GNAQ: variants seen among roughly 807,000 people sequenced by gnomAD.
GNAQ encodes the protein guanine nucleotide-binding protein G(q) subunit alpha.
A neutral mutation model predicts 43.9 loss-of-function variants in GNAQ; 8 were observed. The observed-to-expected ratio is 0.18, with a 90% CI of 0.11 to 0.33. The LOEUF (loss-of-function observed/expected upper bound fraction) is 0.33, where lower values mean the gene tolerates loss of function less well. Ranked by LOEUF, GNAQ falls within the 10% of genes least tolerant of loss-of-function variation. GNAQ has a pLI of 1.00. For missense variants in GNAQ, 158 were observed against 450.8 expected, an observed-to-expected ratio of 0.35 and a Z score of 5.88; for synonymous variants, 155 against 170.7, an observed-to-expected ratio of 0.91 and a Z score of 0.71.
chr9:77,716,245 TCAA>T lies in GNAQ; in HGVS notation c.*5075_*5077del. 1 of 224,284 alleles carries T rather than the reference TCAA, an allele frequency of 4.5e-6. No homozygotes were observed. The highest frequency in any genetic ancestry group is 8.9e-6 in the Non-Finnish European group (1 of 112,464). The allele number at this position is 224,284 out of a possible 1,614,324, so 13.9% of individuals were successfully genotyped here. On this transcript the variant is annotated 3_prime_UTR_variant, in exon 7 of 7. Coordinates refer to ENST00000286548, the MANE Select transcript of GNAQ (RefSeq NM_002072.5). ...CGGGCAACTTTAATGGAAGCAAAAC[TCAA>T]CAATGAAGAATACTATAGTACAAAA...
intron 5 of GNAQ, among the ~76,000 whole-genome samples, chr9:77,742,856 T>C (rs1307704524): frequency 1.3e-5 from 2 of 152,176 alleles, no homozygotes; most frequent in African/African-American, 4.8e-5. Flanking sequence ...GATGAATACA[T>C]GGACAAATGC....
chr9:77,735,780 C>T (rs1825569542), intron 5 of GNAQ, among the ~76,000 whole-genome samples: 1 of 152,174 alleles, frequency 6.6e-6, no homozygotes. Flanking sequence ...GCTGACATGG[C>T]AATGTGGCCC....
At chr9:77,765,721 T>C (rs959620930) in intron 5 of GNAQ, among the ~76,000 whole-genome samples, 64 of 152,170 alleles carry the variant, frequency 4.2e-4, no homozygotes, top group African/African-American at 1.4e-3. Context: ...AAGTAAAAAA[T>C]ACAATCACCA....
At chr9:77,795,361 T>C (rs1826640641) in intron 4 of GNAQ, among the ~76,000 whole-genome samples, 1 of 152,190 alleles carries the variant, frequency 6.6e-6, no homozygotes, top group Admixed American at 6.5e-5. Flanking sequence ...AATGTATGTC[T>C]GAAAATATCT....
chr9:78,016,472 C>T (rs1267046050), intron 1 of GNAQ, among the ~76,000 whole-genome samples: 3 of 152,002 alleles, frequency 2.0e-5, no homozygotes, highest in Non-Finnish European at 1.5e-5. Context: ...GATCACGAGG[C>T]CAGGAGATCG....
At chr9:77,769,796 C>T (rs1197667410) in intron 5 of GNAQ, among the ~76,000 whole-genome samples, 1 of 151,602 alleles carries the variant, frequency 6.6e-6, no homozygotes, top group African/African-American at 2.4e-5. Flanking sequence ...TCCCAAGTAG[C>T]TGCGACTACA....
chr9:77,758,452 C>T (rs1407468556), intron 5 of GNAQ, among the ~76,000 whole-genome samples: 1 of 152,162 alleles, frequency 6.6e-6, no homozygotes, highest in African/African-American at 2.4e-5. Context: ...ATATAGATGA[C>T]ATACTTGTGT....
chr9:77,895,830 T>C (rs1325073747), intron 2 of GNAQ, among the ~76,000 whole-genome samples: 2 of 152,146 alleles, frequency 1.3e-5, no homozygotes, highest in Non-Finnish European at 2.9e-5. Context: ...GATCTGACCA[T>C]TTTAAAAAAC....
At chr9:78,009,843 G>A (rs1316696888) in intron 1 of GNAQ, among the ~76,000 whole-genome samples, 3 of 152,006 alleles carry the variant, frequency 2.0e-5, no homozygotes, top group East Asian at 3.9e-4. Context: ...GCAAATACAT[G>A]ATAAAGGGAA....
At chr9:77,858,717 C>T (rs140747353) in intron 2 of GNAQ, among the ~76,000 whole-genome samples, 24 of 152,010 alleles carry the variant, frequency 1.6e-4, no homozygotes, top group South Asian at 4.2e-4. Flanking sequence ...ACTGATCCCA[C>T]GTGCAATCAT....
At chr9:77,929,942 ATGAT>A (rs1165518470) in intron 1 of GNAQ, among the ~76,000 whole-genome samples, 3 of 152,202 alleles carry the variant, frequency 2.0e-5, no homozygotes, top group Non-Finnish European at 4.4e-5. Flanking sequence ...ATGGTTAATA[ATGAT>A]TATCTGAAAA....
chr9:77,719,284 ACATT>A lies in GNAQ; in HGVS notation c.*2035_*2038del, dbSNP rs1486839961. On this transcript the variant is annotated 3_prime_UTR_variant, in exon 7 of 7. Transcript: ENST00000286548. ...TTACATAGATACATATCAATACAGCACATTCAATCTGCCAAAAAATTAATGATTA... is the reference window on the plus strand; with the variant it reads ...TTACATAGATACATATCAATACAGCACAATCTGCCAAAAAATTAATGATTA... 4 of 232,608 alleles carry A rather than the reference ACATT, an allele frequency of 1.7e-5. No individual in the cohort carries two copies. Among genetic ancestry groups the A allele is most frequent in the African/African-American group, 4.4e-5 (2 of 45,308 alleles). The allele number at this position is 232,608 out of a possible 1,614,324, so 14.4% of individuals were successfully genotyped here.
At chr9:77,872,438 C>A (rs1430052537) in intron 2 of GNAQ, among the ~76,000 whole-genome samples, 2 of 152,140 alleles carry the variant, frequency 1.3e-5, no homozygotes, top group African/African-American at 4.8e-5. Context: ...TCAGAGGGAA[C>A]ACAATGTGTA....
intron 6 of GNAQ, among the ~76,000 whole-genome samples, chr9:77,725,038 T>A (rs977013275): frequency 6.6e-6 from 1 of 152,228 alleles, no homozygotes; most frequent in South Asian, 2.1e-4. Flanking sequence ...TGAACTTCTG[T>A]ATGATTTTGT....
At chr9:77,849,535 T>G (rs1827640394) in intron 2 of GNAQ, among the ~76,000 whole-genome samples, 1 of 152,016 alleles carries the variant, frequency 6.6e-6, no homozygotes, top group Non-Finnish European at 1.5e-5. Flanking sequence ...TGAAGGAAAA[T>G]GGTCATCTGG....
intron 5 of GNAQ, among the ~76,000 whole-genome samples, chr9:77,743,191 G>C (rs138927994): frequency 0.012 from 1,875 of 152,298 alleles, 40 homozygotes; most frequent in African/African-American, 0.042. Context: ...CCGGGAGGCG[G>C]AGGTTGCAGT....
intron 1 of GNAQ, among the ~76,000 whole-genome samples, chr9:77,987,127 G>A (rs975043090): frequency 1.3e-5 from 2 of 152,060 alleles, no homozygotes; most frequent in African/African-American, 4.8e-5. Flanking sequence ...TTCTTTGCCT[G>A]TCGTCATGTT....
chr9:77,813,270 G>A (rs148201590), intron 3 of GNAQ, among the ~76,000 whole-genome samples: 1 of 152,296 alleles, frequency 6.6e-6, no homozygotes, highest in East Asian at 1.9e-4. Flanking sequence ...CTAGGGAAAT[G>A]TAGAACTATT....
intron 5 of GNAQ, among the ~76,000 whole-genome samples, chr9:77,736,047 A>C (rs763360717): frequency 2.0e-5 from 3 of 152,176 alleles, no homozygotes; most frequent in Admixed American, 2.0e-4. Flanking sequence ...GCTCCTCTCA[A>C]ATCTCTGACC....
Sources: gnomAD v4.1 joint callset for allele counts (sites outside exome capture counted in the v4.1 genomes callset) on GRCh38, gnomAD v4.1.1 for gene constraint, MANE v1.5 for transcripts, NCBI Gene and HGNC (gene_info 2026-07-23, HGNC 2026-07-21) for gene names.